Variants in TSPAN9 observed in about 807,000 individuals in gnomAD.
TSPAN9 encodes tetraspanin 9, also known as tetraspanin-9.
In TSPAN9, 16 loss-of-function variants were observed where a neutral mutation model predicts 31.0. The ratio of observed to expected loss-of-function variants is 0.52; its 90% CI spans 0.35 to 0.78. TSPAN9 has a LOEUF of 0.78. Among genes scored for constraint, TSPAN9 ranks in the 30% least tolerant of loss-of-function variants. TSPAN9 has a pLI of 0.01. For synonymous variants in TSPAN9, 145 were observed against 121.6 expected, an observed-to-expected ratio of 1.19 and a Z score of -1.27; for missense variants, 272 against 312.5, an observed-to-expected ratio of 0.87 and a Z score of 0.98.
intron 2 of TSPAN9, among the ~76,000 whole-genome samples, chr12:3,127,298 G>A (rs58860486): frequency 0.14 from 20,654 of 151,890 alleles, 1,708 homozygotes; most frequent in Middle Eastern, 0.22. Context: ...TGTGACAACA[G>A]TGCCTTCTGG....
intron 3 of TSPAN9, among the ~76,000 whole-genome samples, chr12:3,275,163 G>A (rs769315371): frequency 6.6e-6 from 1 of 152,172 alleles, no homozygotes; most frequent in Non-Finnish European, 1.5e-5. Flanking sequence ...GACCTAAGAG[G>A]TTTTCCTAGG....
chr12:3,197,394 C>T (rs985736155), intron 2 of TSPAN9, among the ~76,000 whole-genome samples: 1 of 152,214 alleles, frequency 6.6e-6, no homozygotes, highest in Non-Finnish European at 1.5e-5. Context: ...TAGACATCTG[C>T]CCCTTCATCT....
intron 3 of TSPAN9, among the ~76,000 whole-genome samples, chr12:3,228,771 G>T (rs966734886): frequency 3.9e-5 from 6 of 152,338 alleles, no homozygotes; most frequent in African/African-American, 1.4e-4. Flanking sequence ...CCATACACTT[G>T]GTGGCTGAAA....
intron 3 of TSPAN9, among the ~76,000 whole-genome samples, chr12:3,273,884 C>T (rs929582858): frequency 1.3e-5 from 2 of 152,202 alleles, no homozygotes; most frequent in Non-Finnish European, 2.9e-5. Flanking sequence ...ATCTCAGCCC[C>T]GGCTGTCCCC....
intron 3 of TSPAN9, among the ~76,000 whole-genome samples, chr12:3,222,817 C>T (rs2153975105): frequency 6.6e-6 from 1 of 152,334 alleles, no homozygotes; most frequent in East Asian, 1.9e-4. Flanking sequence ...CTTAAACCAC[C>T]CCCCAGGTCC....
intron 2 of TSPAN9, among the ~76,000 whole-genome samples, chr12:3,112,767 C>G (rs780347550): frequency 6.7e-6 from 1 of 148,656 alleles, no homozygotes; most frequent in African/African-American, 2.5e-5. Flanking sequence ...ACTGCAGCCT[C>G]GACCTCTTGG....
At chr12:3,112,139 T>C (rs1191700488) in intron 2 of TSPAN9, among the ~76,000 whole-genome samples, 1 of 151,636 alleles carries the variant, frequency 6.6e-6, no homozygotes, top group Non-Finnish European at 1.5e-5. Flanking sequence ...TAGTCTCTAA[T>C]GAGCCTCTGA....
At chr12:3,198,534 C>T (rs1219911252) in intron 2 of TSPAN9, among the ~76,000 whole-genome samples, 2 of 119,700 alleles carry the variant, frequency 1.7e-5, no homozygotes, top group Non-Finnish European at 3.5e-5. Flanking sequence ...CAGCACAGGC[C>T]ACCACCAGCA....
chr12:3,223,581 G>T (rs2098385666), intron 3 of TSPAN9, among the ~76,000 whole-genome samples: 1 of 152,186 alleles, frequency 6.6e-6, no homozygotes, highest in African/African-American at 2.4e-5. Flanking sequence ...TGGTTTGTCT[G>T]TGTGTCTACC....
chr12:3,201,243 A>G lies in TSPAN9; in HGVS notation c.50A>G (p.Asn17Ser), dbSNP rs1304501301. Reference sequence around the variant, plus strand: ...TTGAAGTACATGATGTTCCTCTTCAATTTGATATTCTGGGTAAGTCCTTCC... The same window carrying G: ...TTGAAGTACATGATGTTCCTCTTCAGTTTGATATTCTGGGTAAGTCCTTCC... ...CCLKYMMFLFNLIFWLCGCGL... is the reference protein window; with the variant it reads ...CCLKYMMFLFSLIFWLCGCGL... The change falls in exon 3 of 9, where the codon AAT (asparagine) becomes AGT (serine). Residue 17 changes from asparagine (N) to serine (S), a missense_variant. Transcript: ENST00000011898. The G allele has an allele frequency of 1.9e-6, 3 of 1,613,940 alleles. No individual in the cohort carries two copies. The highest frequency in any genetic ancestry group is 2.2e-5 in the East Asian group (1 of 44,886).
intron 3 of TSPAN9, among the ~76,000 whole-genome samples, chr12:3,255,807 T>C (rs780918877): frequency 8.5e-5 from 13 of 152,190 alleles, no homozygotes; most frequent in Non-Finnish European, 1.8e-4. Context: ...TTTGGCTTTG[T>C]TGGAAATTGT....
chr12:3,131,350 G>A (rs1390727011), intron 2 of TSPAN9, among the ~76,000 whole-genome samples: 5 of 152,304 alleles, frequency 3.3e-5, no homozygotes, highest in African/African-American at 1.2e-4. Context: ...TGCGGCCCAC[G>A]TTCTCTGCGC....
intron 3 of TSPAN9, among the ~76,000 whole-genome samples, chr12:3,251,642 T>C (rs1299653959): frequency 2.0e-5 from 3 of 152,232 alleles, no homozygotes; most frequent in African/African-American, 7.2e-5. Context: ...GAGGTTCTTT[T>C]GTTGCAAAGG....
chr12:3,265,241 G>T (rs1246032586), intron 3 of TSPAN9, among the ~76,000 whole-genome samples: 1 of 152,154 alleles, frequency 6.6e-6, no homozygotes, highest in African/African-American at 2.4e-5. Flanking sequence ...GCATCCTTGT[G>T]GGTCAAATAA....
At chr12:3,128,043 G>A (rs971064764) in intron 2 of TSPAN9, among the ~76,000 whole-genome samples, 3 of 152,354 alleles carry the variant, frequency 2.0e-5, no homozygotes, top group Middle Eastern at 6.8e-3. Flanking sequence ...CTGGGCGGTA[G>A]GAATTTTTCA....
chr12:3,178,415 C>G (rs1386356516), intron 2 of TSPAN9, among the ~76,000 whole-genome samples: 1 of 152,038 alleles, frequency 6.6e-6, no homozygotes, highest in Admixed American at 6.6e-5. Flanking sequence ...CTTAGCCTCC[C>G]GAGTAGCTGG....
intron 2 of TSPAN9, among the ~76,000 whole-genome samples, chr12:3,153,836 T>TTA (rs938344793): frequency 2.3e-4 from 35 of 151,552 alleles, no homozygotes; most frequent in South Asian, 8.4e-4. Context: ...TATGTTAGTA[T>TTA]TATATATATA....
chr12:3,272,970 C>T (rs897066392), intron 3 of TSPAN9: 1 of 152,306 alleles, frequency 6.6e-6, no homozygotes, highest in Non-Finnish European at 1.5e-5. Context: ...TGTGGGCTCA[C>T]TGTATGGCCA....
intron 2 of TSPAN9, among the ~76,000 whole-genome samples, chr12:3,116,686 C>T (rs1347756003): frequency 1.3e-5 from 2 of 152,152 alleles, no homozygotes; most frequent in Non-Finnish European, 2.9e-5. Context: ...CTGCACAGCT[C>T]AGGTTTTCAG....
Sources: allele counts gnomAD v4.1 joint callset (sites outside exome capture counted in the v4.1 genomes callset), GRCh38; gene constraint gnomAD v4.1.1; transcripts MANE v1.5; gene names NCBI Gene and HGNC (gene_info 2026-07-23, HGNC 2026-07-21).